Variants in SHOC1 observed in about 807,000 individuals in gnomAD.
The protein encoded by SHOC1 is protein shortage in chiasmata 1 ortholog.
In SHOC1, 136 loss-of-function variants were observed where a neutral mutation model predicts 179.2. That is an observed-to-expected ratio of 0.76 (90% confidence interval 0.66 to 0.87). SHOC1 has a LOEUF of 0.87. SHOC1 is among the 40% of genes least tolerant of loss of function. The pLI, the probability that SHOC1 is intolerant of heterozygous loss-of-function variation, is 0.00. For missense variants in SHOC1, 1,538 were observed against 1,700.8 expected (o/e 0.90, Z 1.68); for synonymous variants, 489 against 586.6 (o/e 0.83, Z 2.41).
intron 2 of SHOC1, among the ~76,000 whole-genome samples, chr9:111,788,616 A>C (rs576888935): frequency 2.0e-5 from 3 of 152,326 alleles, no homozygotes; most frequent in African/African-American, 7.2e-5. Flanking sequence ...TATATGTGTA[A>C]GTACTTGACA....
At chr9:111,717,654 G>A (rs1832856600) in intron 16 of SHOC1, among the ~76,000 whole-genome samples, 1 of 150,224 alleles carries the variant, frequency 6.7e-6, no homozygotes, top group South Asian at 2.1e-4. Context: ...CAGTAATGTA[G>A]TAAGACAGAC....
chr9:111,731,094 A>C (rs1833547312), intron 12 of SHOC1, among the ~76,000 whole-genome samples: 1 of 152,190 alleles, frequency 6.6e-6, no homozygotes, highest in African/African-American at 2.4e-5. Context: ...TAGAATCAAA[A>C]GGAGTTAGAG....
chr9:111,692,410 G>C lies in SHOC1; in HGVS notation c.3567C>G (p.Thr1189=). The change falls in exon 27 of 28, where the codon ACC becomes ACG. Residue 1189 remains threonine, a synonymous_variant. Transcript: ENST00000682961. ...CAGAAGCTGAACTTTGAGAAGACAAGGTACTAATCTGATTCCTATTTTCCT... is the reference window on the plus strand; with the variant it reads ...CAGAAGCTGAACTTTGAGAAGACAACGTACTAATCTGATTCCTATTTTCCT... ...SPQENRNQIS[T]LSSQSSASDL... 6.2e-7 allele frequency: 1 copy of C among 1,613,384 alleles called. No individual in the cohort carries two copies. Among genetic ancestry groups the C allele is most frequent in the Admixed American group, 1.7e-5 (1 of 59,968 alleles).
chr9:111,742,047 A>C (rs1318182642), intron 10 of SHOC1, among the ~76,000 whole-genome samples: 1 of 152,154 alleles, frequency 6.6e-6, no homozygotes. Flanking sequence ...AATATCAAAC[A>C]CAGTACTCAC....
intron 8 of SHOC1, among the ~76,000 whole-genome samples, chr9:111,754,456 A>G (rs1216719389): frequency 1.3e-5 from 2 of 152,234 alleles, no homozygotes; most frequent in Non-Finnish European, 2.9e-5. Flanking sequence ...AAGTTATATA[A>G]TAACAAGTTT....
At chr9:111,732,956 T>C (rs1276905168) in intron 12 of SHOC1, among the ~76,000 whole-genome samples, 1 of 152,240 alleles carries the variant, frequency 6.6e-6, no homozygotes, top group African/African-American at 2.4e-5. Context: ...TATTATGATG[T>C]ATCAGTGACA....
At position 111,686,910 on chromosome 9, in the gene SHOC1, C is replaced by T. The variant is rs377241922; in HGVS notation, c.4427-40G>A. On this transcript the variant is annotated intron_variant, in intron 27 of 27. Coordinates refer to ENST00000682961, the MANE Select transcript of SHOC1 (RefSeq NM_001378211.1). The stretch of plus-strand genomic sequence containing the variant: ...AAAAGGAAAACCATTTTATTGCTTA[C>T]AATAGTAAAGTATAGGTTTTTTCTT... The T allele has an allele frequency of 9.1e-5, 88 of 968,894 alleles. No individual in the cohort carries two copies. The African/African-American group carries it at 1.3e-3, about 14-fold the overall frequency. The allele number at this position is 968,894 out of a possible 1,614,324, so 60.0% of individuals were successfully genotyped here.
chr9:111,748,093 T>C lies in SHOC1; in HGVS notation c.969A>G (p.Pro323=), dbSNP rs1226735930. Residue 323 remains proline, a splice_region_variant and synonymous_variant, in exon 9 of 28, where the codon CCA becomes CCG. Transcript: ENST00000682961. ...SQSEPEECSK[P]GELEMPLTPL... is the part of the protein sequence containing the mutation. ...TCAATGATTTATCAAAATTTCTACC[T>C]GGTTTACTGCACTCTTCTGGTTCAC... is the stretch of plus-strand genomic sequence containing the variant. 5 of 1,608,136 alleles carry C rather than the reference T, an allele frequency of 3.1e-6. No individual in the cohort carries two copies.
intron 10 of SHOC1, among the ~76,000 whole-genome samples, chr9:111,744,378 A>G (rs543284309): frequency 6.6e-6 from 1 of 152,340 alleles, no homozygotes; most frequent in East Asian, 1.9e-4. Flanking sequence ...TTCTTAGTTC[A>G]TGATAGAACT....
intron 5 of SHOC1, among the ~76,000 whole-genome samples, chr9:111,766,306 C>A (rs77302949): frequency 6.6e-6 from 1 of 152,132 alleles, no homozygotes; most frequent in Non-Finnish European, 1.5e-5. Flanking sequence ...CACTACTGGG[C>A]ACTTAGGTTG....
chr9:111,730,590 A>G (rs1159255879), intron 12 of SHOC1, among the ~76,000 whole-genome samples: 1 of 152,230 alleles, frequency 6.6e-6, no homozygotes, highest in African/African-American at 2.4e-5. Context: ...AGTAGGTCTC[A>G]ACAGTGGCCT....
At chr9:111,752,233 G>T (rs1177688184) in intron 8 of SHOC1, among the ~76,000 whole-genome samples, 4 of 152,114 alleles carry the variant, frequency 2.6e-5, no homozygotes, top group Non-Finnish European at 5.9e-5. Flanking sequence ...GGAAGATAAA[G>T]GAAGAAATCC....
chr9:111,753,159 ACT>A (rs1834676732), intron 8 of SHOC1, among the ~76,000 whole-genome samples: 1 of 152,128 alleles, frequency 6.6e-6, no homozygotes, highest in Admixed American at 6.5e-5. Flanking sequence ...ATAAAATATA[ACT>A]CTGTGGTAAT....
intron 27 of SHOC1, among the ~76,000 whole-genome samples, chr9:111,687,556 T>G (rs1333262661): frequency 1.3e-5 from 2 of 152,140 alleles, no homozygotes; most frequent in African/African-American, 2.4e-5. Context: ...CAACCCAAAA[T>G]GGTTTGGGAA....
intron 8 of SHOC1, 123 bp downstream of exon 8, chr9:111,756,202 T>C: frequency 1.7e-6 from 1 of 586,748 alleles, no homozygotes; most frequent in Non-Finnish European, 2.8e-6. Flanking sequence ...GATTTCAACA[T>C]GTAACTTGCA....
At chr9:111,689,128 G>A (rs900497458) in intron 27 of SHOC1, among the ~76,000 whole-genome samples, 1 of 151,954 alleles carries the variant, frequency 6.6e-6, no homozygotes, top group African/African-American at 2.4e-5. Flanking sequence ...GTTCACACCT[G>A]TAATCCCAGC....
rs1401060117 is a variant in SHOC1 at position 111,710,009 on chromosome 9, T to A, written c.2489-2085A>T. ...AATATTCTTCTCTGTGGAGCAGGCA[T>A]ATTTCCTCAGGTTCTTCACAAAAAT... On this transcript the variant is annotated intron_variant, in intron 18 of 27. Transcript: ENST00000682961. Among the ~76,000 whole-genome samples, 5 of 152,196 alleles carry A rather than the reference T, an allele frequency of 3.3e-5. No individual in the cohort carries two copies. In the East Asian group the frequency reaches 9.6e-4, roughly 29 times the overall value.
chr9:111,696,634 T>C (rs1167685891), intron 24 of SHOC1, among the ~76,000 whole-genome samples: 3 of 146,772 alleles, frequency 2.0e-5, no homozygotes, highest in Non-Finnish European at 3.0e-5. Context: ...TACTCCTATT[T>C]CATCCCCAAA....
intron 2 of SHOC1, among the ~76,000 whole-genome samples, chr9:111,786,503 ATTTTTTTT>A (rs34413616): frequency 9.1e-6 from 1 of 110,266 alleles, no homozygotes; most frequent in Non-Finnish European, 1.8e-5. Flanking sequence ...TGCTCTGCAG[ATTTTTTTT>A]TTTTTTTTTT....
Sources: allele counts gnomAD v4.1 joint callset (sites outside exome capture counted in the v4.1 genomes callset), GRCh38; gene constraint gnomAD v4.1.1; transcripts MANE v1.5; gene names NCBI Gene and HGNC (gene_info 2026-07-23, HGNC 2026-07-21).